Variants in MAGI2 observed in about 807,000 individuals in gnomAD.
MAGI2 encodes the protein membrane-associated guanylate kinase, WW and PDZ domain-containing protein 2.
A neutral mutation model predicts 133.3 loss-of-function variants in MAGI2; 35 were observed. The ratio of observed to expected loss-of-function variants is 0.26; its 90% CI spans 0.20 to 0.35. MAGI2 has a LOEUF of 0.35. MAGI2 is among the 10% of genes least tolerant of loss of function. The pLI is 1.00. For missense variants in MAGI2, 1,636 were observed against 1,863.4 expected, an observed-to-expected ratio of 0.88 and a Z score of 2.25; for synonymous variants, 729 against 710.6, an observed-to-expected ratio of 1.03 and a Z score of -0.41.
intron 6 of MAGI2, among the ~76,000 whole-genome samples, chr7:78,404,821 G>T (rs574571366): frequency 6.6e-6 from 1 of 152,226 alleles, no homozygotes; most frequent in African/African-American, 2.4e-5. Flanking sequence ...TGACAAATGG[G>T]ATCTAATTAA....
At chr7:79,186,222 A>ATATATATATATATATT (rs1827103403) in intron 1 of MAGI2, among the ~76,000 whole-genome samples, 1 of 38,198 alleles carries the variant, frequency 2.6e-5, no homozygotes, top group Non-Finnish European at 1.4e-4. Context: ...ATATATATAT[A>ATATATATATATATATT]TATATATATA....
At chr7:78,445,099 T>C (rs1245320009) in intron 6 of MAGI2, among the ~76,000 whole-genome samples, 1 of 151,666 alleles carries the variant, frequency 6.6e-6, no homozygotes, top group African/African-American at 2.4e-5. Flanking sequence ...ATGTCTAAAT[T>C]CCTTAGTGTG....
At chr7:78,412,075 T>C (rs981347520) in intron 6 of MAGI2, among the ~76,000 whole-genome samples, 3 of 152,070 alleles carry the variant, frequency 2.0e-5, no homozygotes, top group African/African-American at 2.4e-5. Flanking sequence ...GAGAATAATA[T>C]GTTTATCGCT....
intron 2 of MAGI2, among the ~76,000 whole-genome samples, chr7:78,764,641 T>C (rs1333786175): frequency 6.6e-6 from 1 of 152,194 alleles, no homozygotes; most frequent in African/African-American, 2.4e-5. Context: ...CCCACCTCTT[T>C]ACAAATCCTT....
rs538200988 is a variant in MAGI2, at chr7:78,073,481, T to C, written c.3706+5466A>G. 7.2e-5 allele frequency among the ~76,000 whole-genome samples: 11 copies of C among 152,134 alleles called. No individual in the cohort carries two copies. The South Asian group carries it at 1.5e-3, about 20-fold the overall frequency. On this transcript the variant is annotated intron_variant, in intron 21 of 21. Coordinates refer to ENST00000354212, the MANE Select transcript of MAGI2 (RefSeq NM_012301.4). ...ATTCATAAAGCCCTGCCCTATGGCT[T>C]TTTAAGAGAATAAACAGGCCAGAGC...
intron 1 of MAGI2, among the ~76,000 whole-genome samples, chr7:79,076,858 C>T (rs1815509080): frequency 6.6e-6 from 1 of 152,212 alleles, no homozygotes; most frequent in Non-Finnish European, 1.5e-5. Context: ...CAGGCATCTA[C>T]TTCTTCCATT....
chr7:78,265,395 T>C (rs1172158279), intron 9 of MAGI2, among the ~76,000 whole-genome samples: 2 of 152,196 alleles, frequency 1.3e-5, no homozygotes, highest in African/African-American at 4.8e-5. Flanking sequence ...GCTTTCTAAA[T>C]AGCTTGCTCA....
At chr7:78,035,827 C>T (rs2428928) in intron 21 of MAGI2, among the ~76,000 whole-genome samples, 105,761 of 151,488 alleles carry the variant, frequency 0.7, 37,647 homozygotes, top group African/African-American at 0.83. Flanking sequence ...TTTTTATGTC[C>T]TTCTTTCACA....
chr7:79,371,824 T>C (rs1194263710), intron 1 of MAGI2, among the ~76,000 whole-genome samples: 1 of 152,164 alleles, frequency 6.6e-6, no homozygotes, highest in East Asian at 1.9e-4. Context: ...GATAACCTAC[T>C]AAAAATGCAA....
intron 1 of MAGI2, among the ~76,000 whole-genome samples, chr7:79,184,976 A>C (rs1224281580): frequency 2.0e-5 from 3 of 151,826 alleles, no homozygotes; most frequent in African/African-American, 7.3e-5. Context: ...AAGGGCCATG[A>C]TCAAGTGACA....
At chr7:78,905,756 T>A (rs898498381) in intron 2 of MAGI2, among the ~76,000 whole-genome samples, 2 of 152,204 alleles carry the variant, frequency 1.3e-5, no homozygotes, top group Non-Finnish European at 2.9e-5. Context: ...TGATTTGGAT[T>A]GTTGCTTTTA....
At chr7:78,833,860 T>C (rs1584079686) in intron 2 of MAGI2, among the ~76,000 whole-genome samples, 1 of 152,210 alleles carries the variant, frequency 6.6e-6, no homozygotes, top group Non-Finnish European at 1.5e-5. Flanking sequence ...AAGTGATCAC[T>C]TCTAGCTGTT....
chr7:78,635,705 G>T (rs576014336), intron 2 of MAGI2, among the ~76,000 whole-genome samples: 2 of 152,252 alleles, frequency 1.3e-5, no homozygotes, highest in South Asian at 4.1e-4. Context: ...CTCTGTATTT[G>T]ACCTTTGATT....
chr7:79,357,919 A>G (rs978440604), intron 1 of MAGI2, among the ~76,000 whole-genome samples: 3 of 152,202 alleles, frequency 2.0e-5, no homozygotes, highest in African/African-American at 7.2e-5. Context: ...AAATGCAAAT[A>G]AAATTATTAA....
At chr7:79,202,885 CTCCCCTGAGT>C (rs1828732098) in intron 1 of MAGI2, among the ~76,000 whole-genome samples, 1 of 151,924 alleles carries the variant, frequency 6.6e-6, no homozygotes, top group Non-Finnish European at 1.5e-5. Flanking sequence ...GCTCTGAGTG[CTCCCCTGAGT>C]TCCCCTGACT....
chr7:78,080,459 T>C lies in MAGI2; in HGVS notation c.3568-1374A>G, dbSNP rs1429265776. On this transcript the variant is annotated intron_variant, in intron 20 of 21. Transcript: ENST00000354212. ...CTCCTTTCCTCTGAGGCAACGGGCA[T>C]AACTTGAATAGTTTGCCAGAGGCCA... Among the ~76,000 whole-genome samples the C allele has an allele frequency of 2.0e-5, 3 of 152,200 alleles. No homozygotes were observed. In the East Asian group the frequency reaches 5.8e-4, roughly 29 times the overall value.
chr7:78,720,087 T>G (rs1215460853), intron 2 of MAGI2, among the ~76,000 whole-genome samples: 8 of 152,136 alleles, frequency 5.3e-5, no homozygotes, highest in Non-Finnish European at 1.5e-5. Context: ...TAGATAAGAT[T>G]ACCTAAAATG....
intron 8 of MAGI2, chr7:78,345,705 A>AT (rs1438488868): frequency 3.4e-6 from 2 of 579,764 alleles, no homozygotes; most frequent in Non-Finnish European, 6.0e-6. Context: ...CATGCTGTAC[A>AT]TTCCTATAAA....
intron 6 of MAGI2, among the ~76,000 whole-genome samples, chr7:78,372,346 G>C (rs1794003171): frequency 6.6e-6 from 1 of 152,032 alleles, no homozygotes; most frequent in Admixed American, 6.6e-5. Flanking sequence ...ACTTGGATTA[G>C]TTTAAAAAAA....
Sources: allele counts gnomAD v4.1 joint callset (sites outside exome capture counted in the v4.1 genomes callset), GRCh38; gene constraint gnomAD v4.1.1; transcripts MANE v1.5; gene names NCBI Gene and HGNC (gene_info 2026-07-23, HGNC 2026-07-21).